Variants in MLIP observed in about 807,000 individuals in gnomAD.
The protein encoded by MLIP is muscular LMNA-interacting protein.
Under a neutral mutation model 84.8 loss-of-function variants are expected in MLIP, and 79 were observed. The ratio of observed to expected loss-of-function variants is 0.93; its 90% CI spans 0.78 to 1.12. MLIP has a LOEUF of 1.12. Ranked by LOEUF, MLIP falls within the 50% of genes most tolerant of loss-of-function variation. The probability of loss-of-function intolerance (pLI) is 0.00; values close to 1 mark genes in which losing one functional copy is unlikely to be tolerated. For missense variants in MLIP, 1,257 were observed against 1,160.6 expected, an observed-to-expected ratio of 1.08 and a Z score of -1.21; for synonymous variants, 504 against 463.0, an observed-to-expected ratio of 1.09 and a Z score of -1.14.
chr6:54,079,966 G>A (rs1289281776), intron 1 of MLIP, among the ~76,000 whole-genome samples: 1 of 152,202 alleles, frequency 6.6e-6, no homozygotes, highest in Non-Finnish European at 1.5e-5. Context: ...AGTGGAGGTG[G>A]ACTGCAGCAT....
intron 1 of MLIP, among the ~76,000 whole-genome samples, chr6:54,040,039 A>T (rs1764655820): frequency 6.6e-6 from 1 of 152,014 alleles, no homozygotes; most frequent in Non-Finnish European, 1.5e-5. Flanking sequence ...TGTGTTGAAC[A>T]TTGTAGAATT....
intron 1 of MLIP, among the ~76,000 whole-genome samples, chr6:54,105,862 G>A (rs1768971859): frequency 1.3e-5 from 2 of 152,136 alleles, no homozygotes; most frequent in African/African-American, 4.8e-5. Context: ...AGGAGAAAAG[G>A]GGAGAGTGGT....
At chr6:54,209,793 A>G (rs1779288618) in intron 11 of MLIP, among the ~76,000 whole-genome samples, 1 of 152,204 alleles carries the variant, frequency 6.6e-6, no homozygotes, top group Admixed American at 6.5e-5. Context: ...CCAAATTCAT[A>G]AAGTACATTT....
chr6:54,113,288 A>G (rs1036493711), intron 1 of MLIP, among the ~76,000 whole-genome samples: 1 of 152,210 alleles, frequency 6.6e-6, no homozygotes, highest in Non-Finnish European at 1.5e-5. Flanking sequence ...AAATGAAATT[A>G]TGGGATGGAT....
In MLIP at chr6:54,137,388, C is replaced by T; in HGVS notation, c.1319C>T (p.Ser440Phe). Residue 440 changes from serine (S) to phenylalanine (F), a missense_variant, in exon 4 of 14, where the codon TCT (serine) becomes TTT (phenylalanine). Physicochemically the swap from Ser to Phe is radical, Grantham distance 155. Transcript: ENST00000502396. ...TCCCCTGCATCCTGTCCCACCTTCT[C>T]TCTCAACTCCCCGGCCTCTTCCACG... ...PFSPASCPTF[S>F]LNSPASSTLT... 6.5e-7 allele frequency: 1 copy of T among 1,536,160 alleles called. No homozygotes were observed. Among genetic ancestry groups the T allele is most frequent in the Non-Finnish European group, 8.7e-7 (1 of 1,146,898 alleles).
At chr6:54,026,815 G>A (rs2150272762) in intron 1 of MLIP, among the ~76,000 whole-genome samples, 1 of 152,178 alleles carries the variant, frequency 6.6e-6, no homozygotes, top group African/African-American at 2.4e-5. Context: ...ATGGTGAGGA[G>A]CATGTTAGAT....
At position 54,136,835 on chromosome 6, in the gene MLIP, C is replaced by A. The variant is rs768963934; in HGVS notation, c.766C>A (p.Leu256Ile). The A allele has an allele frequency of 7.2e-6, 11 of 1,534,810 alleles. No individual in the cohort carries two copies. The highest frequency in any genetic ancestry group is 3.9e-5 in the Admixed American group (2 of 50,928). The change falls in exon 4 of 14, where the codon CTA becomes ATA. Residue 256 changes from leucine (L) to isoleucine (I), a missense_variant. Transcript: ENST00000502396. ...AGTTAACCTCGAGGGAGCCTCTGTC[C>A]TAGAGGAGTTCCACACTAGGAGGCT... ...DPVNLEGASV[L>I]EEFHTRRLDV...
chr6:54,216,036 T>C (rs1779832363), intron 11 of MLIP: 1 of 451,662 alleles, frequency 2.2e-6, no homozygotes, highest in Non-Finnish European at 2.9e-6. Flanking sequence ...AATATTTCAT[T>C]GTTTAACACG....
rs569211955 is a variant in MLIP at position 54,199,126 on chromosome 6, T to A, written c.2590-2979T>A. The stretch of plus-strand genomic sequence containing the variant: ...AGAGAAACAATAAATTTTAAAGGAA[T>A]AAAACATATAAAAACTACAGGAGCT... On this transcript the variant is annotated intron_variant, in intron 10 of 13. Transcript: ENST00000502396. Among the ~76,000 whole-genome samples the A allele has an allele frequency of 5.3e-5, 8 of 152,110 alleles. No individual in the cohort carries two copies. In the South Asian group the frequency reaches 1.7e-3, roughly 32 times the overall value.
intron 3 of MLIP, among the ~76,000 whole-genome samples, chr6:54,131,438 C>T (rs1439234052): frequency 6.6e-6 from 1 of 152,064 alleles, no homozygotes; most frequent in Admixed American, 6.6e-5. Context: ...GATAAACCTC[C>T]CTTTTAATTA....
intron 10 of MLIP, among the ~76,000 whole-genome samples, chr6:54,196,434 T>G (rs1341643808): frequency 6.6e-6 from 1 of 152,070 alleles, no homozygotes; most frequent in Non-Finnish European, 1.5e-5. Flanking sequence ...GAACATGCAG[T>G]GTTGGGTTTT....
At chr6:54,050,544 T>A (rs999627799) in intron 1 of MLIP, among the ~76,000 whole-genome samples, 1 of 152,196 alleles carries the variant, frequency 6.6e-6, no homozygotes. Flanking sequence ...TATCCTTATT[T>A]GACAGTCTGC....
Position 54,138,095 on chromosome 6 carries a change from C to T in MLIP, c.2026C>T (p.Pro676Ser). ...NLPTLVPQLS[P>S]SALHPHCGSG... is the part of the protein sequence containing the mutation. ...GCCCACCCTGGTGCCCCAGCTCAGT[C>T]CCTCAGCTCTGCACCCACATTGCGG... The change falls in exon 4 of 14, where the codon CCC (proline) becomes TCC (serine). Residue 676 changes from proline to serine, a missense_variant. Physicochemically the swap from Pro to Ser is moderately conservative, Grantham distance 74 (BLOSUM62 -1). Coordinates refer to ENST00000502396, the MANE Select transcript of MLIP (RefSeq NM_001281747.2). The T allele has an allele frequency of 1.3e-6, 2 of 1,536,120 alleles. No homozygotes were observed. The highest frequency in any genetic ancestry group is 1.7e-6 in the Non-Finnish European group (2 of 1,146,900).
At chr6:54,133,642 A>T (rs973560673) in intron 3 of MLIP, among the ~76,000 whole-genome samples, 63 of 152,228 alleles carry the variant, frequency 4.1e-4, no homozygotes, top group Admixed American at 4.1e-3. Flanking sequence ...AGTTTATTTT[A>T]GATTTACAGG....
intron 5 of MLIP, among the ~76,000 whole-genome samples, chr6:54,151,769 A>G (rs1197315079): frequency 6.6e-6 from 1 of 152,194 alleles, no homozygotes; most frequent in African/African-American, 2.4e-5. Context: ...CATATAGTAT[A>G]ATTAATGAGA....
chr6:54,117,211 CTTTTT>C lies in MLIP; in HGVS notation c.97-4218_97-4214del, dbSNP rs200691416. ...GACAAGGATGCCACTCTATTTCTGTCTTTTTTTTTTTTTTTTTTTTTTGAGATGGA... is the reference window on the plus strand; with the variant it reads ...GACAAGGATGCCACTCTATTTCTGTCTTTTTTTTTTTTTTTTTGAGATGGA... On this transcript the variant is annotated intron_variant, in intron 1 of 13. Coordinates refer to ENST00000502396, the MANE Select transcript of MLIP (RefSeq NM_001281747.2). Among the ~76,000 whole-genome samples, 337 of 117,794 alleles carry C rather than the reference CTTTTT, an allele frequency of 2.9e-3. 1 individual carries two copies. The highest frequency in any genetic ancestry group is 8.6e-3 in the East Asian group (34 of 3,940). 77.3% of individuals were successfully genotyped at this position (117,794 alleles called of 152,430 possible). A position where few individuals can be genotyped will look rare whatever the true frequency, so the allele number is the denominator to read the frequency against.
At chr6:54,125,474 T>C (rs1770845750) in intron 3 of MLIP, among the ~76,000 whole-genome samples, 1 of 152,142 alleles carries the variant, frequency 6.6e-6, no homozygotes, top group Admixed American at 6.5e-5. Context: ...CAAGATTGAA[T>C]GGTTCTTTTA....
At chr6:54,083,679 T>A in intron 1 of MLIP, 3 of 1,490,964 alleles carry the variant, frequency 2.0e-6, no homozygotes, top group Non-Finnish European at 1.8e-6. Flanking sequence ...ACATTTAACA[T>A]CAATGATAGC....
chr6:54,173,625 G>A (rs1426534045), intron 9 of MLIP, among the ~76,000 whole-genome samples: 3 of 151,422 alleles, frequency 2.0e-5, no homozygotes, highest in Non-Finnish European at 4.4e-5. Context: ...GTATGTATGG[G>A]GTACATGAGA....
Sources: allele counts gnomAD v4.1 joint callset (sites outside exome capture counted in the v4.1 genomes callset), GRCh38; gene constraint gnomAD v4.1.1; transcripts MANE v1.5; gene names NCBI Gene and HGNC (gene_info 2026-07-23, HGNC 2026-07-21).